MEIS2: variants seen among roughly 807,000 people sequenced by gnomAD.
MEIS2 encodes homeobox protein Meis2.
Under a neutral mutation model 58.6 loss-of-function variants are expected in MEIS2, and 9 were observed. That is an observed-to-expected ratio of 0.15 (90% CI 0.09 to 0.27). MEIS2 has a LOEUF of 0.27. Ranked by LOEUF, MEIS2 falls within the 10% of genes least tolerant of loss-of-function variation. The pLI is 1.00. For missense variants in MEIS2, 427 were observed against 635.0 expected (o/e 0.67, Z 3.52); for synonymous variants, 221 against 228.4 (o/e 0.97, Z 0.29).
chr15:36,912,176 C>CAA (rs61318458), intron 9 of MEIS2, among the ~76,000 whole-genome samples: 9 of 152,082 alleles, frequency 5.9e-5, no homozygotes, highest in Admixed American at 1.3e-4. Context: ...GGAGGAATGC[C>CAA]AAAAACAAAT....
At chr15:36,895,661 A>G (rs2044613152) in intron 10 of MEIS2, among the ~76,000 whole-genome samples, 1 of 152,248 alleles carries the variant, frequency 6.6e-6, no homozygotes, top group Admixed American at 6.5e-5. Context: ...CAAACATTTT[A>G]AACCTGAATA....
intron 7 of MEIS2, among the ~76,000 whole-genome samples, chr15:37,047,770 A>T (rs745837453): frequency 1.6e-4 from 25 of 152,220 alleles, no homozygotes; most frequent in Non-Finnish European, 2.9e-4. Context: ...AATTTCACTT[A>T]GCTATGTTTC....
chr15:36,958,646 T>C (rs1820162211), intron 8 of MEIS2, among the ~76,000 whole-genome samples: 1 of 152,214 alleles, frequency 6.6e-6, no homozygotes, highest in African/African-American at 2.4e-5. Context: ...ACTGAGACTT[T>C]AAAGCTGAGC....
At chr15:36,933,390 T>C (rs2141338369) in intron 9 of MEIS2, among the ~76,000 whole-genome samples, 1 of 152,312 alleles carries the variant, frequency 6.6e-6, no homozygotes, top group Non-Finnish European at 1.5e-5. Context: ...CCTGAGAATC[T>C]AGTCACTGAG....
chr15:37,032,813 A>C, intron 8 of MEIS2, among the ~76,000 whole-genome samples: 1 of 152,314 alleles, frequency 6.6e-6, no homozygotes, highest in Non-Finnish European at 1.5e-5. Flanking sequence ...CGAAACAAAA[A>C]AATTGAGGCT....
chr15:36,976,811 C>G (rs1264211058), intron 8 of MEIS2, among the ~76,000 whole-genome samples: 1 of 152,100 alleles, frequency 6.6e-6, no homozygotes, highest in African/African-American at 2.4e-5. Context: ...AACACAATCC[C>G]TGCCTTCGAA....
intron 8 of MEIS2, among the ~76,000 whole-genome samples, chr15:36,995,028 G>A (rs1206293857): frequency 1.3e-5 from 2 of 151,998 alleles, no homozygotes; most frequent in African/African-American, 4.8e-5. Flanking sequence ...CTTTTCCCTG[G>A]GGCACAAACT....
chr15:37,039,127 T>C (rs1257827119), intron 7 of MEIS2, among the ~76,000 whole-genome samples: 2 of 151,948 alleles, frequency 1.3e-5, no homozygotes, highest in African/African-American at 2.4e-5. Context: ...TACCCGGAGA[T>C]GAGGAAAAAA....
At chr15:36,932,502 G>A (rs2058019492) in intron 9 of MEIS2, among the ~76,000 whole-genome samples, 1 of 151,864 alleles carries the variant, frequency 6.6e-6, no homozygotes. Context: ...TAGTGATTAT[G>A]GTCTTTTTTT....
At chr15:36,973,583 C>T (rs953947394) in intron 8 of MEIS2, among the ~76,000 whole-genome samples, 14 of 152,168 alleles carry the variant, frequency 9.2e-5, no homozygotes, top group Admixed American at 5.9e-4. Context: ...AAACCCAAAG[C>T]GTTCATCTAT....
chr15:37,095,779 G>T, intron 3 of MEIS2, 165 bp from the exon 4 acceptor site: 2 of 942,750 alleles, frequency 2.1e-6, no homozygotes, highest in South Asian at 1.6e-5. Flanking sequence ...CCCTGAAGAA[G>T]AATCAGGGCA....
chr15:37,093,522 G>A (rs1893814704), intron 6 of MEIS2, 59 bp downstream of exon 6: 2 of 1,587,304 alleles, frequency 1.3e-6, no homozygotes, highest in Non-Finnish European at 1.7e-6. Context: ...GTTAAAACAA[G>A]GTTAAAATAA....
chr15:37,067,837 AT>A (rs1301519531), intron 7 of MEIS2, among the ~76,000 whole-genome samples: 1 of 152,148 alleles, frequency 6.6e-6, no homozygotes, highest in East Asian at 1.9e-4. Flanking sequence ...AAGAAATCAT[AT>A]TATACTGTAT....
chr15:36,927,112 G>T (rs932521281), intron 9 of MEIS2, among the ~76,000 whole-genome samples: 1 of 152,138 alleles, frequency 6.6e-6, no homozygotes, highest in African/African-American at 2.4e-5. Context: ...TGAACTGTAG[G>T]TGCTTCCTCT....
At chr15:36,974,577 C>A (rs970112868) in intron 8 of MEIS2, among the ~76,000 whole-genome samples, 15 of 152,162 alleles carry the variant, frequency 9.9e-5, no homozygotes, top group African/African-American at 2.9e-4. Flanking sequence ...TAAGATCTTA[C>A]CTTACAGGGC....
chr15:37,005,212 C>T (rs530137810), intron 8 of MEIS2, among the ~76,000 whole-genome samples: 9 of 152,296 alleles, frequency 5.9e-5, no homozygotes, highest in Admixed American at 1.3e-4. Context: ...CCAGCCACTC[C>T]TGGTGAAAGT....
At chr15:36,940,501 G>A (rs2058336922) in intron 9 of MEIS2, among the ~76,000 whole-genome samples, 1 of 152,002 alleles carries the variant, frequency 6.6e-6, no homozygotes, top group African/African-American at 2.4e-5. Flanking sequence ...CAAAACACAT[G>A]GCAATAATTT....
At chr15:36,976,859 C>T (rs2059776564) in intron 8 of MEIS2, among the ~76,000 whole-genome samples, 1 of 152,198 alleles carries the variant, frequency 6.6e-6, no homozygotes, top group African/African-American at 2.4e-5. Context: ...CGCAGGGGCT[C>T]ACGCCTGTAA....
intron 8 of MEIS2, among the ~76,000 whole-genome samples, chr15:36,981,288 G>T (rs1443065577): frequency 6.6e-6 from 1 of 152,042 alleles, no homozygotes; most frequent in Non-Finnish European, 1.5e-5. Flanking sequence ...TAAACTCATT[G>T]TTTTGAGTAG....
Sources: allele counts gnomAD v4.1 joint callset (sites outside exome capture counted in the v4.1 genomes callset), GRCh38; gene constraint gnomAD v4.1.1; transcripts MANE v1.5; gene names NCBI Gene and HGNC (gene_info 2026-07-23, HGNC 2026-07-21).